Variants in LDB2 observed in about 807,000 individuals in gnomAD.
LDB2 encodes LIM domain-binding protein 2.
Under a neutral mutation model 44.3 loss-of-function variants are expected in LDB2, and 12 were observed. That is an observed-to-expected ratio of 0.27 (90% CI 0.17 to 0.44). LDB2 has a LOEUF of 0.44. Among genes scored for constraint, LDB2 ranks in the 20% least tolerant of loss-of-function variants. LDB2 has a pLI of 1.00. For synonymous variants in LDB2, 164 were observed against 174.8 expected (o/e 0.94, Z 0.49); for missense variants, 344 against 473.5 (o/e 0.73, Z 2.54).
At chr4:16,537,140 G>A (rs1256829052) in intron 5 of LDB2, among the ~76,000 whole-genome samples, 1 of 152,194 alleles carries the variant, frequency 6.6e-6, no homozygotes, top group Non-Finnish European at 1.5e-5. Flanking sequence ...CCTTACTCAT[G>A]TGGTGAGACT....
At chr4:16,766,492 G>C (rs1579464526) in intron 1 of LDB2, among the ~76,000 whole-genome samples, 1 of 123,350 alleles carries the variant, frequency 8.1e-6, no homozygotes, top group Non-Finnish European at 1.6e-5. Context: ...GTGTGTGTGT[G>C]TGTGTGTGTG....
intron 5 of LDB2, among the ~76,000 whole-genome samples, chr4:16,514,452 G>A (rs1167063484): frequency 6.6e-6 from 1 of 152,184 alleles, no homozygotes; most frequent in Non-Finnish European, 1.5e-5. Flanking sequence ...CCCCAGTGGT[G>A]TCCAGTTCTA....
At chr4:16,682,254 A>T (rs946583331) in intron 2 of LDB2, among the ~76,000 whole-genome samples, 6 of 149,436 alleles carry the variant, frequency 4.0e-5, no homozygotes, top group Middle Eastern at 3.4e-3. Flanking sequence ...GTTAAAATTT[A>T]AAAAATCCCA....
chr4:16,855,984 A>G lies in LDB2; in HGVS notation c.132+42370T>C, dbSNP rs187740002. On this transcript the variant is annotated intron_variant, in intron 1 of 7. Coordinates refer to ENST00000304523, the MANE Select transcript of LDB2 (RefSeq NM_001290.5). ...TAAAGCTAACACTTAAGAAAATACC[A>G]CTTACAGAGTTTGGATGTAGCAACA... 1.6e-3 allele frequency among the ~76,000 whole-genome samples: 240 copies of G among 152,312 alleles called. 1 individual carries two copies. The highest frequency in any genetic ancestry group is 5.6e-3 in the African/African-American group (233 of 41,580).
At chr4:16,887,657 G>T (rs1028074295) in intron 1 of LDB2, among the ~76,000 whole-genome samples, 6 of 151,624 alleles carry the variant, frequency 4.0e-5, no homozygotes, top group Non-Finnish European at 7.4e-5. Context: ...CCTACGTTGG[G>T]AAGAGAAGTT....
At chr4:16,869,013 T>C (rs1715634279) in intron 1 of LDB2, among the ~76,000 whole-genome samples, 1 of 152,096 alleles carries the variant, frequency 6.6e-6, no homozygotes, top group African/African-American at 2.4e-5. Flanking sequence ...ATGATGCTGG[T>C]AGATGATGTT....
intron 1 of LDB2, among the ~76,000 whole-genome samples, chr4:16,848,485 G>A (rs1195158489): frequency 6.6e-6 from 1 of 152,204 alleles, no homozygotes; most frequent in East Asian, 1.9e-4. Context: ...ATGAATAGAA[G>A]CTGCAGGAAG....
chr4:16,834,402 G>A (rs184336163), intron 1 of LDB2, among the ~76,000 whole-genome samples: 57 of 152,318 alleles, frequency 3.7e-4, no homozygotes, highest in African/African-American at 1.1e-3. Flanking sequence ...CCTATGTGGC[G>A]TGATTGAGTG....
intron 2 of LDB2, among the ~76,000 whole-genome samples, chr4:16,699,085 C>T (rs750502416): frequency 2.6e-5 from 4 of 151,992 alleles, no homozygotes; most frequent in Admixed American, 6.6e-5. Context: ...TTCAAATAAG[C>T]GGTAGAGGAA....
rs139724419 is a variant in LDB2 at position 16,641,042 on chromosome 4, A to G, written c.236-45167T>C. ...AAATGATGGTGGGAAGTTGAAAACT[A>G]TAAGGAAAAAAAGAACAAAGCCAAG... On this transcript the variant is annotated intron_variant, in intron 2 of 7. Coordinates refer to ENST00000304523, the MANE Select transcript of LDB2 (RefSeq NM_001290.5). Among the ~76,000 whole-genome samples the G allele has an allele frequency of 1.1e-3, 167 of 152,346 alleles. 1 individual carries two copies. The highest frequency in any genetic ancestry group is 3.8e-3 in the African/African-American group (159 of 41,572).
intron 1 of LDB2, among the ~76,000 whole-genome samples, chr4:16,787,491 G>A (rs1012608849): frequency 6.6e-6 from 1 of 152,144 alleles, no homozygotes; most frequent in Non-Finnish European, 1.5e-5. Context: ...GCATGCGCCT[G>A]TAATCCCAGC....
chr4:16,745,264 C>T (rs1764169725), intron 2 of LDB2, among the ~76,000 whole-genome samples: 1 of 152,170 alleles, frequency 6.6e-6, no homozygotes, highest in African/African-American at 2.4e-5. Flanking sequence ...AGGTAAGTCA[C>T]ATCTCAGTTC....
intron 1 of LDB2, among the ~76,000 whole-genome samples, chr4:16,887,872 A>G (rs534188060): frequency 1.3e-5 from 2 of 152,188 alleles, no homozygotes; most frequent in East Asian, 3.9e-4. Context: ...GAATTCTTCA[A>G]TAGGAATTCT....
intron 2 of LDB2, among the ~76,000 whole-genome samples, chr4:16,749,427 G>A (rs1765004942): frequency 6.6e-6 from 1 of 151,234 alleles, no homozygotes; most frequent in East Asian, 1.9e-4. Flanking sequence ...GTGTGGTTGT[G>A]AGCGCCTATA....
At chr4:16,818,401 G>C (rs1431782164) in intron 1 of LDB2, among the ~76,000 whole-genome samples, 1 of 152,212 alleles carries the variant, frequency 6.6e-6, no homozygotes, top group East Asian at 1.9e-4. Flanking sequence ...TTCTCAATGG[G>C]AGAACTGTCA....
chr4:16,863,737 T>C (rs1425233653), intron 1 of LDB2, among the ~76,000 whole-genome samples: 1 of 141,660 alleles, frequency 7.1e-6, no homozygotes, highest in African/African-American at 2.6e-5. Context: ...CTCGGCTCAC[T>C]GCAAGCTCTG....
intron 1 of LDB2, among the ~76,000 whole-genome samples, chr4:16,761,739 C>T (rs1767969215): frequency 6.6e-6 from 1 of 152,170 alleles, no homozygotes; most frequent in African/African-American, 2.4e-5. Context: ...CAGGAGAGCA[C>T]CCCAAAGACA....
intron 2 of LDB2, among the ~76,000 whole-genome samples, chr4:16,600,762 A>T (rs1722354238): frequency 6.6e-6 from 1 of 152,098 alleles, no homozygotes; most frequent in Admixed American, 6.6e-5. Context: ...GGTGTGGTGG[A>T]GGCAGGATCT....
chr4:16,897,936 ATACACATATG>A (rs1561574960), intron 1 of LDB2, among the ~76,000 whole-genome samples: 4 of 16,410 alleles, frequency 2.4e-4, no homozygotes, highest in African/African-American at 7.6e-4. Flanking sequence ...ATATATATAT[ATACACATATG>A]TATATATATA....
Sources: allele counts gnomAD v4.1 joint callset (sites outside exome capture counted in the v4.1 genomes callset), GRCh38; gene constraint gnomAD v4.1.1; transcripts MANE v1.5; gene names NCBI Gene and HGNC (gene_info 2026-07-23, HGNC 2026-07-21).